The following SSU72L5 variants were observed in gnomAD, a reference collection of about 807,000 sequenced individuals.
SSU72L5 encodes the protein RNA polymerase II subunit A C-terminal domain phosphatase SSU72 like protein 5.
the SSU72L5 span, chr11:4,233,275 A>G: frequency 2.0e-6 from 1 of 511,936 alleles, no homozygotes. Context: ...TCTGGTTCCC[A>G]GTGGCCGCCA....
the SSU72L5 span, among the ~76,000 whole-genome samples, chr11:4,234,191 A>G: frequency 7.0e-6 from 1 of 142,568 alleles, no homozygotes; most frequent in Non-Finnish European, 1.5e-5. Context: ...AACCGAGCTG[A>G]TAATGGACTG....
At chr11:4,233,258 G>C in the SSU72L5 span, 1 of 519,418 alleles carries the variant, frequency 1.9e-6, no homozygotes, top group Non-Finnish European at 3.4e-6. Flanking sequence ...TGAGGTGCCT[G>C]TGTCTCTCTG....
the SSU72L5 span, among the ~76,000 whole-genome samples, chr11:4,234,099 C>T: frequency 6.6e-4 from 91 of 137,808 alleles, no homozygotes; most frequent in African/African-American, 2.6e-3. Flanking sequence ...GTGCTAGGTG[C>T]ATTACATGGC....
chr11:4,234,262 C>G, the SSU72L5 span, among the ~76,000 whole-genome samples: 2 of 141,016 alleles, frequency 1.4e-5, 1 homozygote, highest in Non-Finnish European at 3.0e-5. Flanking sequence ...AGATAAGCAC[C>G]TTTTAAATAA....
chr11:4,234,274 A>C, the SSU72L5 span, among the ~76,000 whole-genome samples: 30,249 of 136,922 alleles, frequency 0.22, 5,870 homozygotes, highest in Non-Finnish European at 0.27. Context: ...TTTAAATAAA[A>C]TTCCTTTTCT....
the SSU72L5 span, among the ~76,000 whole-genome samples, chr11:4,234,183 C>T: frequency 7.0e-6 from 1 of 142,078 alleles, no homozygotes; most frequent in Non-Finnish European, 1.5e-5. Flanking sequence ...GATGAGCAAA[C>T]CGAGCTGATA....
At chr11:4,233,306 AG>A in the SSU72L5 span, 1 of 577,232 alleles carries the variant, frequency 1.7e-6, no homozygotes, top group Non-Finnish European at 3.1e-6. Flanking sequence ...CTCCACACTC[AG>A]GGTGGCTGTG....
the SSU72L5 span, among the ~76,000 whole-genome samples, chr11:4,234,023 A>G: frequency 7.8e-6 from 1 of 127,988 alleles, no homozygotes; most frequent in Non-Finnish European, 1.6e-5. Context: ...ACTATTACCA[A>G]GAAAATATTT....
At chr11:4,234,281 T>C in the SSU72L5 span, among the ~76,000 whole-genome samples, 6 of 142,166 alleles carry the variant, frequency 4.2e-5, 2 homozygotes, top group African/African-American at 1.7e-4. Context: ...AAAATTCCTT[T>C]TCTCAATTTG....
Sources: allele counts gnomAD v4.1 joint callset (sites outside exome capture counted in the v4.1 genomes callset), GRCh38; gene constraint gnomAD v4.1.1; transcripts MANE v1.5; gene names NCBI Gene and HGNC (gene_info 2026-07-23, HGNC 2026-07-21).